Variants in RAC1 observed in about 807,000 individuals in gnomAD.
RAC1 encodes the protein ras-related C3 botulinum toxin substrate 1.
In RAC1, 2 loss-of-function variants were observed where a neutral mutation model predicts 25.2. The observed-to-expected ratio is 0.08, with a 90% CI of 0.03 to 0.25. The LOEUF (loss-of-function observed/expected upper bound fraction) is 0.25. RAC1 is among the 10% of genes least tolerant of loss of function. The probability of loss-of-function intolerance (pLI) is 1.00; values close to 1 mark genes in which losing one functional copy is unlikely to be tolerated. For synonymous variants in RAC1, 88 were observed against 94.0 expected (o/e 0.94, Z 0.37); for missense variants, 50 against 235.7 (o/e 0.21, Z 5.16).
chr7:6,384,726 C>CCCTGTGCTGGGATTATAGCCT (rs1295049791), intron 1 of RAC1, among the ~76,000 whole-genome samples: 6 of 150,848 alleles, frequency 4.0e-5, no homozygotes, highest in African/African-American at 9.8e-5. Flanking sequence ...CACCTCAGGC[C>CCCTGTGCTGGGATTATAGCCT]CCTGTGCTGG....
intron 3 of RAC1, among the ~76,000 whole-genome samples, chr7:6,398,341 T>C (rs1783304423): frequency 6.6e-6 from 1 of 152,188 alleles, no homozygotes. Flanking sequence ...TAAGGGACAG[T>C]GCAGAACATC....
intron 1 of RAC1, among the ~76,000 whole-genome samples, chr7:6,376,270 C>A (rs1019916915): frequency 4.1e-5 from 6 of 148,130 alleles, no homozygotes; most frequent in African/African-American, 1.5e-4. Context: ...ACAACCTCCG[C>A]CTCCCAGGTT....
intron 1 of RAC1, among the ~76,000 whole-genome samples, chr7:6,376,267 C>T (rs1782590210): frequency 7.1e-6 from 1 of 141,616 alleles, no homozygotes; most frequent in South Asian, 2.3e-4. Flanking sequence ...ACTACAACCT[C>T]CGCCTCCCAG....
At chr7:6,379,161 A>G (rs1466350253) in intron 1 of RAC1, among the ~76,000 whole-genome samples, 2 of 151,282 alleles carry the variant, frequency 1.3e-5, no homozygotes, top group Non-Finnish European at 2.9e-5. Context: ...ATTTGTTTTT[A>G]TTTTATATTG....
At chr7:6,385,861 G>A (rs1438791328) in intron 1 of RAC1, among the ~76,000 whole-genome samples, 1 of 152,232 alleles carries the variant, frequency 6.6e-6, no homozygotes, top group Non-Finnish European at 1.5e-5. Flanking sequence ...ACAGCAGAGA[G>A]AAGGGCTCAT....
chr7:6,380,717 C>CA (rs1279702886), intron 1 of RAC1, among the ~76,000 whole-genome samples: 3 of 152,154 alleles, frequency 2.0e-5, no homozygotes, highest in Admixed American at 6.6e-5. Flanking sequence ...AAGCATTGTA[C>CA]AGTCAACATG....
intron 1 of RAC1, among the ~76,000 whole-genome samples, chr7:6,386,818 AAAAG>A (rs1167302807): frequency 2.0e-5 from 3 of 151,938 alleles, no homozygotes; most frequent in Non-Finnish European, 1.5e-5. Flanking sequence ...AAAAAAGAAA[AAAAG>A]AAAATATCTT....
chr7:6,388,623 C>T (rs1289642969), intron 2 of RAC1, among the ~76,000 whole-genome samples: 2 of 152,006 alleles, frequency 1.3e-5, no homozygotes, highest in Non-Finnish European at 2.9e-5. Context: ...GGATTACAGG[C>T]GTGAGCCACG....
rs1283829821 is a variant in RAC1, at chr7:6,403,028, CTT to C, written c.*584_*585del. ...TAGCAGCTCAGCTCTTTGGATCAGTCTTTGTGATTTCATAGCGAGTTTTCTGA... is the reference window on the plus strand; with the variant it reads ...TAGCAGCTCAGCTCTTTGGATCAGTCTGTGATTTCATAGCGAGTTTTCTGA... On this transcript the variant is annotated 3_prime_UTR_variant, in exon 6 of 6. Transcript: ENST00000348035. 1.3e-4 allele frequency: 26 copies of C among 196,484 alleles called. No individual in the cohort carries two copies. Among genetic ancestry groups the C allele is most frequent in the South Asian group, 3.8e-4 (2 of 5,200 alleles). The allele number at this position is 196,484 out of a possible 1,614,324, so 12.2% of individuals were successfully genotyped here.
intron 3 of RAC1, among the ~76,000 whole-genome samples, chr7:6,392,743 A>C (rs1156582183): frequency 1.3e-5 from 2 of 152,166 alleles, no homozygotes; most frequent in Admixed American, 1.3e-4. Flanking sequence ...ATCTTGTTAC[A>C]TGTTTGTTCT....
intron 1 of RAC1, among the ~76,000 whole-genome samples, chr7:6,381,456 G>A (rs1045714932): frequency 6.8e-5 from 10 of 147,756 alleles, no homozygotes; most frequent in African/African-American, 2.0e-4. Flanking sequence ...GCAGTGGCAC[G>A]AAATCAGCTC....
intron 2 of RAC1, among the ~76,000 whole-genome samples, chr7:6,391,131 C>T (rs1783080401): frequency 1.3e-5 from 2 of 152,170 alleles, no homozygotes; most frequent in African/African-American, 2.4e-5. Flanking sequence ...CTCTTGACCT[C>T]AGGTGATCCG....
chr7:6,391,902 C>A, intron 2 of RAC1, 22 bp from the exon 3 acceptor site: 3 of 1,613,964 alleles, frequency 1.9e-6, no homozygotes, highest in Non-Finnish European at 2.5e-6. Context: ...CTGTGACTAA[C>A]CATTTTCATT....
chr7:6,386,191 C>T, intron 1 of RAC1, among the ~76,000 whole-genome samples: 1 of 152,274 alleles, frequency 6.6e-6, no homozygotes, highest in Middle Eastern at 3.4e-3. Context: ...TAACTCCCAT[C>T]GTCTCTGAGC....
chr7:6,383,412 A>G (rs879347751), intron 1 of RAC1, among the ~76,000 whole-genome samples: 63 of 139,548 alleles, frequency 4.5e-4, no homozygotes, highest in Middle Eastern at 3.4e-3. Flanking sequence ...TGATTGCACT[A>G]AGCTTAAATA....
intron 1 of RAC1, among the ~76,000 whole-genome samples, chr7:6,382,274 G>C (rs567760301): frequency 7.5e-4 from 114 of 151,932 alleles, no homozygotes; most frequent in African/African-American, 2.6e-3. Flanking sequence ...ACAGGGAAGA[G>C]CCACTGCGCC....
At position 6,398,481 on chromosome 7, in the gene RAC1, A is replaced by G. The variant is rs927047876; in HGVS notation, c.226-1645A>G. On this transcript the variant is annotated intron_variant, in intron 3 of 5. Transcript: ENST00000348035. Reference sequence around the variant, plus strand: ...TTGAACTTAACGCCTGCTTTTGACCAGGTAGCGTGGAGTGTTTCAGTGGCA... The same window carrying G: ...TTGAACTTAACGCCTGCTTTTGACCGGGTAGCGTGGAGTGTTTCAGTGGCA... 2.0e-5 allele frequency among the ~76,000 whole-genome samples: 3 copies of G among 152,206 alleles called. No homozygotes were observed. In the East Asian group the frequency reaches 5.8e-4, roughly 29 times the overall value.
chr7:6,398,025 C>T (rs1361203733), intron 3 of RAC1, among the ~76,000 whole-genome samples: 1 of 152,160 alleles, frequency 6.6e-6, no homozygotes, highest in Non-Finnish European at 1.5e-5. Context: ...TTCCCCCAGA[C>T]CTACAAAGTA....
At chr7:6,376,984 T>C (rs7455288) in intron 1 of RAC1, among the ~76,000 whole-genome samples, 26,414 of 151,842 alleles carry the variant, frequency 0.17, 2,686 homozygotes, top group Non-Finnish European at 0.23. Flanking sequence ...CCCCACCGCT[T>C]ACATGGGGTA....
Sources: gnomAD v4.1 joint callset for allele counts (sites outside exome capture counted in the v4.1 genomes callset) on GRCh38, gnomAD v4.1.1 for gene constraint, MANE v1.5 for transcripts, NCBI Gene and HGNC (gene_info 2026-07-23, HGNC 2026-07-21) for gene names.